Variants in DDX60L observed in about 807,000 individuals in gnomAD.
DDX60L encodes the protein probable ATP-dependent RNA helicase DDX60-like.
Under a neutral mutation model 211.6 loss-of-function variants are expected in DDX60L, and 191 were observed. That is an observed-to-expected ratio of 0.90 (90% CI 0.80 to 1.02). The LOEUF is 1.02. DDX60L is among the 50% of genes least tolerant of loss of function. The probability of loss-of-function intolerance (pLI) is 0.00; values close to 1 mark genes in which losing one functional copy is unlikely to be tolerated. For missense variants in DDX60L, 2,007 were observed against 1,984.1 expected (o/e 1.01, Z -0.22); for synonymous variants, 706 against 694.1 (o/e 1.02, Z -0.27).
rs1024849898 is a variant in DDX60L, at chr4:168,448,788, T to G, written c.997-9A>C. On this transcript the variant is annotated splice_polypyrimidine_tract_variant and intron_variant, in intron 8 of 37. Transcript: ENST00000682922. ...TATTCACACCACTTGTTCTGAAAAT[T>G]AAAAATAAAACATTATTAGCAGGGA... 9 of 1,595,956 alleles carry G rather than the reference T, an allele frequency of 5.6e-6. No individual in the cohort carries two copies. The highest frequency in any genetic ancestry group is 1.4e-5 in the African/African-American group (1 of 74,072).
chr4:168,441,057 G>A (rs920791291), intron 10 of DDX60L, among the ~76,000 whole-genome samples: 11 of 152,092 alleles, frequency 7.2e-5, no homozygotes, highest in Admixed American at 3.9e-4. Context: ...GAAGTGGCCC[G>A]AGGAACTTTC....
chr4:168,475,751 A>G (rs1759393357), intron 1 of DDX60L, among the ~76,000 whole-genome samples: 1 of 152,102 alleles, frequency 6.6e-6, no homozygotes, highest in Admixed American at 6.5e-5. Context: ...CCTAAACCCC[A>G]GTGTGATGGT....
chr4:168,403,455 C>T (rs1747189366), intron 25 of DDX60L, among the ~76,000 whole-genome samples: 1 of 152,170 alleles, frequency 6.6e-6, no homozygotes, highest in African/African-American at 2.4e-5. Context: ...TAGAGTGGGT[C>T]CAGGGTACAC....
chr4:168,396,323 T>A (rs1323278537), intron 26 of DDX60L, among the ~76,000 whole-genome samples, 199 bp from the exon 27 acceptor site: 1 of 152,074 alleles, frequency 6.6e-6, no homozygotes, highest in Non-Finnish European at 1.5e-5. Flanking sequence ...AGCAAAATCC[T>A]CTATATTTTC....
Position 168,419,341 on chromosome 4 carries a change from T to C in DDX60L, c.2571A>G (p.Gln857=), listed in dbSNP as rs1750094276. The part of the protein sequence containing the change: ...FEILLLAPHR[Q]KWVERIRYVI... ...CATATCTGATCCTTTCCACCCATTT[T>C]TGGCGATGAGGAGCAAGCAACAGGA... Residue 857 remains glutamine, a synonymous_variant, in exon 19 of 38, where the codon CAA becomes CAG. Transcript: ENST00000682922. 2.5e-6 allele frequency: 4 copies of C among 1,599,774 alleles called. No individual in the cohort carries two copies. In the African/African-American group the frequency reaches 5.4e-5, roughly 21 times the overall value.
chr4:168,367,550 G>GT (rs1560924544), intron 36 of DDX60L, among the ~76,000 whole-genome samples: 9 of 152,164 alleles, frequency 5.9e-5, no homozygotes, highest in African/African-American at 2.2e-4. Context: ...ACAGTAAATT[G>GT]GTACCAGTAG....
chr4:168,387,704 G>A (rs1744143860), intron 29 of DDX60L, among the ~76,000 whole-genome samples: 1 of 152,212 alleles, frequency 6.6e-6, no homozygotes, highest in African/African-American at 2.4e-5. Flanking sequence ...AAAGTAATTG[G>A]ACGATCTGTG....
intron 5 of DDX60L, among the ~76,000 whole-genome samples, chr4:168,460,056 C>T (rs749239917): frequency 1.0e-3 from 154 of 152,066 alleles, no homozygotes; most frequent in Non-Finnish European, 1.8e-3. Flanking sequence ...AAAACAAAGG[C>T]GGAGTTCCAA....
At chr4:168,415,053 G>A (rs756100726) in intron 22 of DDX60L, among the ~76,000 whole-genome samples, 17 of 151,856 alleles carry the variant, frequency 1.1e-4, no homozygotes, top group Non-Finnish European at 2.5e-4. Flanking sequence ...CATTTAGTCT[G>A]ATGTGGTTAT....
intron 10 of DDX60L, among the ~76,000 whole-genome samples, chr4:168,435,430 A>G (rs1168672185): frequency 6.6e-6 from 1 of 152,218 alleles, no homozygotes; most frequent in Non-Finnish European, 1.5e-5. Context: ...TCACATCCAC[A>G]TTCAACCTGA....
At chr4:168,390,928 C>G (rs971439100) in intron 29 of DDX60L, among the ~76,000 whole-genome samples, 27 of 151,932 alleles carry the variant, frequency 1.8e-4, no homozygotes, top group African/African-American at 6.5e-4. Context: ...AGTAACATTT[C>G]TCACTCCAGA....
At chr4:168,362,511 C>T (rs1307884951) in intron 36 of DDX60L, among the ~76,000 whole-genome samples, 5 of 152,168 alleles carry the variant, frequency 3.3e-5, no homozygotes, top group Non-Finnish European at 7.4e-5. Flanking sequence ...CTGGAGAGTC[C>T]ACCATACAGC....
chr4:168,425,267 C>T (rs1481650715), intron 14 of DDX60L, among the ~76,000 whole-genome samples: 1 of 152,174 alleles, frequency 6.6e-6, no homozygotes, highest in Non-Finnish European at 1.5e-5. Context: ...AACACATATG[C>T]TAAAGCTTAG....
chr4:168,361,470 G>A, intron 36 of DDX60L: 1 of 281,458 alleles, frequency 3.6e-6, no homozygotes, highest in South Asian at 8.7e-5. Flanking sequence ...GGGTCAATGA[G>A]GACTACAGAT....
At chr4:168,442,513 G>C (rs1754053129) in intron 9 of DDX60L, among the ~76,000 whole-genome samples, 1 of 152,254 alleles carries the variant, frequency 6.6e-6, no homozygotes, top group African/African-American at 2.4e-5. Context: ...CGCGAACTGG[G>C]TGGAGCCCAC....
intron 37 of DDX60L, among the ~76,000 whole-genome samples, chr4:168,358,523 T>C (rs1319366663): frequency 8.1e-6 from 1 of 123,744 alleles, no homozygotes; most frequent in African/African-American, 2.8e-5. Context: ...TTTTTCTTTT[T>C]CTTTTTTTTT....
At chr4:168,443,363 T>A (rs62336662) in intron 9 of DDX60L, among the ~76,000 whole-genome samples, 30 of 151,570 alleles carry the variant, frequency 2.0e-4, no homozygotes, top group Admixed American at 1.9e-3. Context: ...GCCTCCAAGA[T>A]ATATGGGACT....
intron 26 of DDX60L, among the ~76,000 whole-genome samples, chr4:168,397,148 AC>A (rs1257131249): frequency 6.6e-6 from 1 of 152,196 alleles, no homozygotes; most frequent in Non-Finnish European, 1.5e-5. Context: ...CTGATCTTGG[AC>A]TTCCTAACCT....
In DDX60L at chr4:168,358,201, A is replaced by T. The variant is rs372295866; in HGVS notation, c.5067T>A (p.Phe1689Leu). The change falls in exon 38 of 38, where the codon TTT becomes TTA. Residue 1689 changes from phenylalanine (F) to leucine (L), a missense_variant. By Grantham distance (22) the Phe-to-Leu change is conservative. Transcript: ENST00000682922. ...TTTGCATTTCTTGAAGTTTCTCATAAAAGGTTTGACTCAATTGTTTAAATG... is the reference window on the plus strand; with the variant it reads ...TTTGCATTTCTTGAAGTTTCTCATATAAGGTTTGACTCAATTGTTTAAATG... The part of the protein sequence containing the change: ...VLAFKQLSQT[F>L]YEKLQEMQIQ... 1 of 1,607,000 alleles carries T rather than the reference A, an allele frequency of 6.2e-7. No individual in the cohort carries two copies. The highest frequency in any genetic ancestry group is 1.3e-5 in the African/African-American group (1 of 74,738).
Sources: allele counts gnomAD v4.1 joint callset (sites outside exome capture counted in the v4.1 genomes callset), GRCh38; gene constraint gnomAD v4.1.1; transcripts MANE v1.5; gene names NCBI Gene and HGNC (gene_info 2026-07-23, HGNC 2026-07-21).